Variants in LINGO1 observed in about 807,000 individuals in gnomAD.
LINGO1 encodes leucine-rich repeat and immunoglobulin-like domain-containing nogo receptor-interacting protein 1.
LINGO1 carries 11 observed loss-of-function variants against 37.3 expected under a neutral mutation model. That is an observed-to-expected ratio of 0.29 (90% confidence interval 0.19 to 0.49). The LOEUF (loss-of-function observed/expected upper bound fraction) is 0.49. LINGO1 is among the 20% of genes least tolerant of loss of function. The pLI is 0.99. For synonymous variants in LINGO1, 387 were observed against 403.0 expected, an observed-to-expected ratio of 0.96 and a Z score of 0.48; for missense variants, 585 against 878.2, an observed-to-expected ratio of 0.67 and a Z score of 4.22.
chr15:77,683,541 A>C (rs1015939395), intron 2 of LINGO1, among the ~76,000 whole-genome samples: 1 of 152,198 alleles, frequency 6.6e-6, no homozygotes, highest in Non-Finnish European at 1.5e-5. Context: ...TAAAAAGAAC[A>C]CGGCAGATCT....
At chr15:77,747,821 G>A (rs1398850100) in intron 1 of LINGO1, among the ~76,000 whole-genome samples, 2 of 151,374 alleles carry the variant, frequency 1.3e-5, no homozygotes, top group African/African-American at 4.8e-5. Context: ...TTATTAAAGT[G>A]AAACTATCCC....
At chr15:77,678,891 TTTTTTGTTTTTG>T (rs929485295) in intron 2 of LINGO1, among the ~76,000 whole-genome samples, 1 of 151,936 alleles carries the variant, frequency 6.6e-6, no homozygotes, top group Non-Finnish European at 1.5e-5. Flanking sequence ...GGTTTTTTTG[TTTTTTGTTTTTG>T]TTTTTGTTTT....
intron 2 of LINGO1, among the ~76,000 whole-genome samples, chr15:77,716,155 C>T (rs1050805666): frequency 7.4e-6 from 1 of 135,498 alleles, no homozygotes; most frequent in Non-Finnish European, 1.7e-5. Flanking sequence ...TCCAAAGTCT[C>T]ACAGCAATAA....
intron 1 of LINGO1, among the ~76,000 whole-genome samples, chr15:77,626,409 C>T (rs1394871422): frequency 6.6e-6 from 1 of 152,204 alleles, no homozygotes; most frequent in Non-Finnish European, 1.5e-5. Flanking sequence ...CTCTCCTAGC[C>T]CTGGCAGTTC....
chr15:77,684,555 C>G (rs910670886), intron 2 of LINGO1, among the ~76,000 whole-genome samples: 7 of 152,348 alleles, frequency 4.6e-5, no homozygotes, highest in African/African-American at 1.4e-4. Context: ...ACTGCAGAAG[C>G]TGGGCACGGT....
At chr15:77,738,773 A>AAGGAAGGAAGGC (rs2076228554) in intron 1 of LINGO1, among the ~76,000 whole-genome samples, 1 of 150,774 alleles carries the variant, frequency 6.6e-6, no homozygotes. Flanking sequence ...GGAAGGAAGG[A>AAGGAAGGAAGGC]AGGAAGGAAG....
intron 1 of LINGO1, among the ~76,000 whole-genome samples, chr15:77,781,632 C>T (rs960995963): frequency 1.3e-5 from 2 of 152,160 alleles, no homozygotes; most frequent in African/African-American, 4.8e-5. Flanking sequence ...ATCTACATCA[C>T]ACTCCGCACT....
Position 77,632,453 on chromosome 15 carries a change from C to T in LINGO1, c.-138G>A. 7 of 949,160 alleles carry T rather than the reference C, an allele frequency of 7.4e-6. No homozygotes were observed. The highest frequency in any genetic ancestry group is 9.6e-6 in the Non-Finnish European group (7 of 731,432). The allele number at this position is 949,160 out of a possible 1,614,324, so 58.8% of individuals were successfully genotyped here. On this transcript the variant is annotated 5_prime_UTR_variant, in exon 1 of 2. Coordinates refer to ENST00000355300, the MANE Select transcript of LINGO1 (RefSeq NM_032808.7). The surrounding 1 kb of genome is among the most constrained non-coding windows in gnomAD (Gnocchi z 6.0). Reference sequence around the variant, plus strand: ...ACACCTCCGCCCGGCAGTCCGCGCGCCCTCGCGGGGCTGGCTGTCCGTCTG... The same window carrying T: ...ACACCTCCGCCCGGCAGTCCGCGCGTCCTCGCGGGGCTGGCTGTCCGTCTG...
intron 1 of LINGO1, among the ~76,000 whole-genome samples, chr15:77,625,511 A>G (rs1567463907): frequency 6.6e-6 from 1 of 152,120 alleles, no homozygotes; most frequent in Non-Finnish European, 1.5e-5. Flanking sequence ...GCTCTTCATC[A>G]CTTCCCTATA....
upstream of LINGO1, among the ~76,000 whole-genome samples, chr15:77,634,720 C>T (rs1397306492): frequency 6.6e-6 from 1 of 152,164 alleles, no homozygotes; most frequent in Non-Finnish European, 1.5e-5. Context: ...TCCCCGGTCC[C>T]TCAACTCCGC....
chr15:77,790,707 G>T (rs547543694), upstream of LINGO1, among the ~76,000 whole-genome samples: 4 of 152,198 alleles, frequency 2.6e-5, no homozygotes, highest in Non-Finnish European at 5.9e-5. Context: ...CTGGGTTTGG[G>T]GGGGTGGAAA....
At chr15:77,685,316 G>A (rs533666508) in intron 2 of LINGO1, among the ~76,000 whole-genome samples, 5 of 152,118 alleles carry the variant, frequency 3.3e-5, no homozygotes, top group Admixed American at 6.5e-5. Flanking sequence ...TAGCAGTGTG[G>A]CTGTGGCCTA....
At position 77,694,166 on chromosome 15, in the gene LINGO1, C is replaced by T. The variant is rs142643421; in HGVS notation, c.-281+2225G>A. ...ATGAATCAGGGCTAGATTGCACGGA[C>T]TGAAGCGGGTGTTACAGAGAGTCAA... On this transcript the variant is annotated intron_variant, in intron 1 of 3. Coordinates refer to the LINGO1 transcript ENST00000559893. 2.5e-3 allele frequency among the ~76,000 whole-genome samples: 375 copies of T among 152,234 alleles called. 3 individuals are homozygous for T. Among genetic ancestry groups the T allele is most frequent in the African/African-American group, 8.5e-3 (353 of 41,530 alleles).
At chr15:77,799,226 G>C (rs1021524010) in intron 1 of LINGO1, among the ~76,000 whole-genome samples, 1 of 152,184 alleles carries the variant, frequency 6.6e-6, no homozygotes, top group Admixed American at 6.5e-5. Context: ...CACTGGAACA[G>C]AGAGATATAA....
chr15:77,816,161 C>T lies in LINGO1; in HGVS notation c.-458+4097G>A, dbSNP rs188128420. On this transcript the variant is annotated intron_variant, in intron 1 of 5. Coordinates refer to the LINGO1 transcript ENST00000562933. Reference sequence around the variant, plus strand: ...CCACTGAGCCTCTTGGTTACCCAGCCGGCTTCACTAATACTCAGAGGTATG... The same window carrying T: ...CCACTGAGCCTCTTGGTTACCCAGCTGGCTTCACTAATACTCAGAGGTATG... Among the ~76,000 whole-genome samples, 235 of 152,350 alleles carry T rather than the reference C, an allele frequency of 1.5e-3. 1 individual carries two copies. Among genetic ancestry groups the T allele is most frequent in the African/African-American group, 5.3e-3 (221 of 41,574 alleles).
intron 1 of LINGO1, among the ~76,000 whole-genome samples, chr15:77,768,835 T>A (rs2076555873): frequency 6.6e-6 from 1 of 152,176 alleles, no homozygotes; most frequent in Admixed American, 6.5e-5. Context: ...ATCTACACCC[T>A]GGATTCATCC....
intron 1 of LINGO1, among the ~76,000 whole-genome samples, chr15:77,739,126 G>A (rs1005828693): frequency 1.1e-4 from 16 of 152,228 alleles, no homozygotes; most frequent in South Asian, 2.1e-4. Context: ...CCTTGGGGGC[G>A]GCCGGCAGCT....
At chr15:77,641,658 G>A in intron 3 of LINGO1, 1 of 358,876 alleles carries the variant, frequency 2.8e-6, no homozygotes. Context: ...GGCGTGGTAG[G>A]AGGCTGAGAG....
intron 1 of LINGO1, among the ~76,000 whole-genome samples, chr15:77,747,597 CTCAA>C (rs1470860010): frequency 1.3e-5 from 2 of 152,174 alleles, no homozygotes; most frequent in Non-Finnish European, 2.9e-5. Context: ...GAACAGATCC[CTCAA>C]TCAAATTAAC....
Sources: allele counts gnomAD v4.1 joint callset (sites outside exome capture counted in the v4.1 genomes callset), GRCh38; gene constraint gnomAD v4.1.1; non-coding constraint Gnocchi (gnomAD v3.1); transcripts MANE v1.5; gene names NCBI Gene and HGNC (gene_info 2026-07-23, HGNC 2026-07-21).